Variants in MYT1 observed in about 807,000 individuals in gnomAD.
MYT1 encodes myelin transcription factor 1, also known as myelin transcription factor I.
MYT1 carries 23 observed loss-of-function variants against 123.0 expected under a neutral mutation model. That is an observed-to-expected ratio of 0.19 (90% CI 0.13 to 0.26). The LOEUF (loss-of-function observed/expected upper bound fraction) is 0.26. Ranked by LOEUF, MYT1 falls within the 10% of genes least tolerant of loss-of-function variation. MYT1 has a pLI of 1.00. For missense variants in MYT1, 1,125 were observed against 1,472.5 expected (o/e 0.76, Z 3.86); for synonymous variants, 518 against 575.3 (o/e 0.90, Z 1.43).
intron 16 of MYT1, among the ~76,000 whole-genome samples, chr20:64,223,675 T>A (rs1984079337): frequency 6.6e-6 from 1 of 152,140 alleles, no homozygotes; most frequent in Non-Finnish European, 1.5e-5. Flanking sequence ...GACAGGGCTG[T>A]CTGGGCCTGC....
At chr20:64,239,608 C>G in intron 21 of MYT1, 152 bp from the exon 22 acceptor site, 1 of 1,088,610 alleles carries the variant, frequency 9.2e-7, no homozygotes, top group Non-Finnish European at 1.3e-6. Context: ...TCACCTGTGG[C>G]AGAACCCCCT....
At chr20:64,228,274 TA>T in intron 18 of MYT1, among the ~76,000 whole-genome samples, 1 of 152,328 alleles carries the variant, frequency 6.6e-6, no homozygotes, top group East Asian at 1.9e-4. Flanking sequence ...ACCTATGTCT[TA>T]GGGCCACCTG....
At position 64,213,897 on chromosome 20, in the gene MYT1, C is replaced by T. The variant is rs1983758171; in HGVS notation, c.1631+250C>T. Among the ~76,000 whole-genome samples, 2 of 152,202 alleles carry T rather than the reference C, an allele frequency of 1.3e-5. No homozygotes were observed. The highest frequency in any genetic ancestry group is 1.3e-4 in the Admixed American group (2 of 15,272). ...ATTCGCCAGTGCCTCAGCCAAAGCG[C>T]AAACTCCTGCACAGTTGCCTCTGCC... On this transcript the variant is annotated intron_variant, in intron 10 of 22. Coordinates refer to ENST00000328439, the MANE Select transcript of MYT1 (RefSeq NM_004535.3). This position sits in a 1 kb window ranked among gnomAD's most constrained non-coding sequence, Gnocchi z 5.6.
intron 1 of MYT1, among the ~76,000 whole-genome samples, chr20:64,184,807 C>T (rs1232020905): frequency 6.6e-6 from 1 of 152,122 alleles, no homozygotes; most frequent in East Asian, 1.9e-4. Context: ...AGGAAAACCC[C>T]ACGTCACGTA....
intron 1 of MYT1, among the ~76,000 whole-genome samples, chr20:64,183,806 C>T (rs568688667): frequency 6.6e-6 from 1 of 152,210 alleles, no homozygotes; most frequent in African/African-American, 2.4e-5. Context: ...GTCTTTTCAC[C>T]ATATTGATAG....
At chr20:64,198,967 C>T (rs377127283) in intron 3 of MYT1, 51 bp downstream of exon 3, 45 of 1,595,924 alleles carry the variant, frequency 2.8e-5, no homozygotes, top group South Asian at 3.3e-5. Context: ...CTTTCCTCCG[C>T]GGTCTTCCTC....
rs1046871923 is a variant in MYT1 at position 64,241,566 on chromosome 20, A to G, written c.*1118A>G. 2.0e-5 allele frequency: 3 copies of G among 152,636 alleles called. No homozygotes were observed. The highest frequency in any genetic ancestry group is 2.9e-5 in the Non-Finnish European group (2 of 68,044). The allele number at this position is 152,636 out of a possible 1,614,324, so 9.5% of individuals were successfully genotyped here. A position where few individuals can be genotyped will look rare whatever the true frequency, so the allele number is the denominator to read the frequency against. On this transcript the variant is annotated 3_prime_UTR_variant, in exon 23 of 23. Coordinates refer to ENST00000328439, the MANE Select transcript of MYT1 (RefSeq NM_004535.3). This position sits in a 1 kb window ranked among gnomAD's most constrained non-coding sequence, Gnocchi z 4.2. ...ATTCTGTAAATTATTTAATTTTGTC[A>G]AGATGTAAGTATTTATATTCACAGC... is the stretch of plus-strand genomic sequence containing the variant.
chr20:64,197,628 G>A (rs769029608), intron 2 of MYT1, among the ~76,000 whole-genome samples: 21 of 152,212 alleles, frequency 1.4e-4, no homozygotes, highest in East Asian at 3.8e-4. Flanking sequence ...GCCCTCCCCC[G>A]CCTGGTGTGG....
chr20:64,235,722 T>A (rs1984505328), intron 19 of MYT1, among the ~76,000 whole-genome samples: 1 of 123,226 alleles, frequency 8.1e-6, no homozygotes, highest in Non-Finnish European at 1.7e-5. Context: ...CCGTGGTGGG[T>A]GACCCTTGGC....
chr20:64,205,743 G>A lies in MYT1; in HGVS notation c.340G>A (p.Gly114Arg). Residue 114 changes from glycine (G) to arginine (R), a missense_variant, in exon 6 of 23, where the codon GGG becomes AGG. Physicochemically the swap from Gly to Arg is moderately radical, Grantham distance 125. Coordinates refer to ENST00000328439, the MANE Select transcript of MYT1 (RefSeq NM_004535.3). ...VSDESEGTLE[G>R]AEAETSGQDE... ...GGATGAATCGGAAGGAACTCTGGAG[G>A]GGGCCGAGGCTGAGACGTCAGGACA... is the stretch of plus-strand genomic sequence containing the variant. 6.2e-7 allele frequency: 1 copy of A among 1,614,186 alleles called. No homozygotes were observed. The highest frequency in any genetic ancestry group is 8.5e-7 in the Non-Finnish European group (1 of 1,180,042).
At chr20:64,198,788 A>G (rs1983204713) in intron 2 of MYT1, 74 bp from the exon 3 acceptor site, 4 of 1,525,552 alleles carry the variant, frequency 2.6e-6, no homozygotes, top group Non-Finnish European at 2.7e-6. Context: ...AAATGGCCAG[A>G]CATTCCTGAT....
rs1984323843 is a variant in MYT1 at position 64,231,649 on chromosome 20, G to A, written c.2676-515G>A. Among the ~76,000 whole-genome samples, 1 of 152,194 alleles carries A rather than the reference G, an allele frequency of 6.6e-6. No homozygotes were observed. The highest frequency in any genetic ancestry group is 2.1e-4 in the South Asian group (1 of 4,826). On this transcript the variant is annotated intron_variant, in intron 18 of 22. Coordinates refer to ENST00000328439, the MANE Select transcript of MYT1 (RefSeq NM_004535.3). This position sits in a 1 kb window ranked among gnomAD's most constrained non-coding sequence, Gnocchi z 6.4. The stretch of plus-strand genomic sequence containing the variant: ...CCCCTGATTGCACTGGCCTCAGTCT[G>A]GGAGGCTGTGGGGTGACAGGCCTCT...
intron 1 of MYT1, among the ~76,000 whole-genome samples, chr20:64,187,059 G>T (rs1420409906): frequency 1.4e-5 from 2 of 144,884 alleles, no homozygotes; most frequent in Admixed American, 6.9e-5. Context: ...CCACGTTTCC[G>T]TGGAGACTTT....
chr20:64,238,000 C>T (rs1193906564), intron 21 of MYT1, among the ~76,000 whole-genome samples: 2 of 152,062 alleles, frequency 1.3e-5, no homozygotes, highest in Non-Finnish European at 2.9e-5. Context: ...GCACCTGATC[C>T]AGAGTAAGTG....
chr20:64,227,727 T>C (rs1171123467), intron 17 of MYT1, among the ~76,000 whole-genome samples, 161 bp from the exon 18 acceptor site: 1 of 152,198 alleles, frequency 6.6e-6, no homozygotes, highest in Non-Finnish European at 1.5e-5. Flanking sequence ...GTGAAGGCTG[T>C]GTCTGTGGAT....
chr20:64,198,492 G>A (rs1024628145), intron 2 of MYT1, among the ~76,000 whole-genome samples: 4 of 152,038 alleles, frequency 2.6e-5, no homozygotes, highest in South Asian at 2.1e-4. Flanking sequence ...GCTCTGTGTC[G>A]GGCCAGGAGA....
Position 64,186,873 on chromosome 20 carries a change from G to A in MYT1, c.-98-3190G>A, listed in dbSNP as rs564214429. Among the ~76,000 whole-genome samples, 8 of 147,338 alleles carry A rather than the reference G, an allele frequency of 5.4e-5. No homozygotes were observed. Among genetic ancestry groups the A allele is most frequent in the East Asian group, 2.0e-4 (1 of 4,928 alleles). The stretch of plus-strand genomic sequence containing the variant: ...TGTAGCACGTGGCTCCGGCATCCAC[G>A]TTTCCGTGGAGACTTTTCCTGTAGC... On this transcript the variant is annotated intron_variant, in intron 1 of 22. Coordinates refer to ENST00000328439, the MANE Select transcript of MYT1 (RefSeq NM_004535.3). The surrounding 1 kb of genome is among the most constrained non-coding windows in gnomAD (Gnocchi z 4.3).
chr20:64,234,289 C>CA (rs1984429329), intron 19 of MYT1, among the ~76,000 whole-genome samples: 1 of 151,420 alleles, frequency 6.6e-6, no homozygotes, highest in Non-Finnish European at 1.5e-5. Flanking sequence ...GAGGCAGACG[C>CA]AGCTAGGATG....
chr20:64,213,400 T>C lies in MYT1; in HGVS notation c.1518-134T>C, dbSNP rs1416568513. 2 of 644,228 alleles carry C rather than the reference T, an allele frequency of 3.1e-6. No homozygotes were observed. The highest frequency in any genetic ancestry group is 5.4e-5 in the East Asian group (2 of 36,812). 39.9% of individuals were successfully genotyped at this position (644,228 alleles called of 1,614,324 possible). ...AGAATGACAGGGTTATTCCCGGCTC[T>C]GGGCTTCTCTGGAGTTCACCTGGAG... On this transcript the variant is annotated intron_variant, in intron 9 of 22. Coordinates refer to ENST00000328439, the MANE Select transcript of MYT1 (RefSeq NM_004535.3). This position sits in a 1 kb window ranked among gnomAD's most constrained non-coding sequence, Gnocchi z 5.6.
Sources: allele counts gnomAD v4.1 joint callset (sites outside exome capture counted in the v4.1 genomes callset), GRCh38; gene constraint gnomAD v4.1.1; non-coding constraint Gnocchi (gnomAD v3.1); transcripts MANE v1.5; gene names NCBI Gene and HGNC (gene_info 2026-07-23, HGNC 2026-07-21).